Variants in VDAC1 observed in about 807,000 individuals in gnomAD.
The protein encoded by VDAC1 is voltage dependent anion channel 1.
A neutral mutation model predicts 34.7 loss-of-function variants in VDAC1; 10 were observed. The ratio of observed to expected loss-of-function variants is 0.29; its 90% CI spans 0.18 to 0.49. The LOEUF is 0.49. VDAC1 is among the 20% of genes least tolerant of loss of function. The pLI, the probability that VDAC1 is intolerant of heterozygous loss-of-function variation, is 0.99. For synonymous variants in VDAC1, 130 were observed against 136.0 expected, an observed-to-expected ratio of 0.96 and a Z score of 0.30; for missense variants, 230 against 347.9, an observed-to-expected ratio of 0.66 and a Z score of 2.69.
chr5:134,045,846 G>A, the VDAC1 span, among the ~76,000 whole-genome samples: 2 of 151,012 alleles, frequency 1.3e-5, no homozygotes, highest in South Asian at 2.1e-4. Context: ...CACCACGCCT[G>A]GCTAATTTTC....
chr5:134,019,949 A>G, the VDAC1 span, among the ~76,000 whole-genome samples: 6 of 152,254 alleles, frequency 3.9e-5, no homozygotes, highest in South Asian at 2.1e-4. Flanking sequence ...GACATGGGCA[A>G]TGACAGGTAG....
At chr5:134,056,249 A>C in the VDAC1 span, among the ~76,000 whole-genome samples, 10 of 149,864 alleles carry the variant, frequency 6.7e-5, no homozygotes, top group African/African-American at 2.4e-4. Flanking sequence ...CTCAAAAAAA[A>C]AAAAAAAAAA....
chr5:133,981,795 T>C (rs1379263747), intron 5 of VDAC1, among the ~76,000 whole-genome samples: 1 of 152,232 alleles, frequency 6.6e-6, no homozygotes, highest in African/African-American at 2.4e-5. Flanking sequence ...ATCATTTTTA[T>C]CTGATTGTCT....
At chr5:134,025,889 G>T in the VDAC1 span, among the ~76,000 whole-genome samples, 22 of 152,306 alleles carry the variant, frequency 1.4e-4, no homozygotes, top group Admixed American at 9.2e-4. Flanking sequence ...GTGGAACTCA[G>T]GGTCTGGCCC....
chr5:134,056,430 C>G, the VDAC1 span, among the ~76,000 whole-genome samples: 111,652 of 147,922 alleles, frequency 0.75, 42,635 homozygotes, highest in East Asian at 0.89. Flanking sequence ...CAAAGCTGCA[C>G]TGAATTTTTT....
chr5:134,058,420 T>G, the VDAC1 span, among the ~76,000 whole-genome samples: 1 of 149,254 alleles, frequency 6.7e-6, no homozygotes, highest in African/African-American at 2.5e-5. Flanking sequence ...TTCACGCCAT[T>G]CTTCTGCCTC....
upstream of VDAC1, among the ~76,000 whole-genome samples, chr5:134,009,569 T>G (rs1753801321): frequency 6.6e-6 from 1 of 152,120 alleles, no homozygotes; most frequent in Admixed American, 6.6e-5. Flanking sequence ...AATTGATCAA[T>G]TCTTATAAAT....
At chr5:134,015,546 T>C in the VDAC1 span, among the ~76,000 whole-genome samples, 1 of 152,094 alleles carries the variant, frequency 6.6e-6, no homozygotes, top group African/African-American at 2.4e-5. Context: ...CTGGATGAAC[T>C]AAGGCAAATG....
the VDAC1 span, among the ~76,000 whole-genome samples, chr5:134,049,214 A>G: frequency 3.3e-5 from 5 of 152,224 alleles, no homozygotes; most frequent in African/African-American, 1.2e-4. Context: ...ATATTTTCAG[A>G]AACAGCATTT....
chr5:134,008,393 C>A (rs1351821457), upstream of VDAC1, among the ~76,000 whole-genome samples: 1 of 152,182 alleles, frequency 6.6e-6, no homozygotes, highest in Non-Finnish European at 1.5e-5. Flanking sequence ...CAGTTCCTCT[C>A]CTCCATTCAA....
the VDAC1 span, among the ~76,000 whole-genome samples, chr5:134,030,426 C>A: frequency 6.6e-6 from 1 of 152,078 alleles, no homozygotes; most frequent in Non-Finnish European, 1.5e-5. Context: ...GACAGGGAGG[C>A]CCCAGTAATG....
At chr5:133,992,152 C>T (rs1416230143) in intron 3 of VDAC1, among the ~76,000 whole-genome samples, 154 bp downstream of exon 3, 3 of 152,120 alleles carry the variant, frequency 2.0e-5, no homozygotes, top group Non-Finnish European at 4.4e-5. Context: ...AGGAGAATCG[C>T]TTGAACCCAA....
chr5:134,011,320 G>A, the VDAC1 span, among the ~76,000 whole-genome samples: 2 of 151,834 alleles, frequency 1.3e-5, no homozygotes, highest in Non-Finnish European at 2.9e-5. Flanking sequence ...CTTTTTAATG[G>A]GGTTATTTGT....
At chr5:134,051,873 A>G in the VDAC1 span, among the ~76,000 whole-genome samples, 3 of 151,548 alleles carry the variant, frequency 2.0e-5, no homozygotes, top group African/African-American at 7.3e-5. Context: ...TAATTTTTGT[A>G]TCTTTGTAGA....
chr5:133,974,345 CTG>C (rs1362577229), intron 7 of VDAC1, among the ~76,000 whole-genome samples: 6 of 152,194 alleles, frequency 3.9e-5, no homozygotes, highest in East Asian at 3.8e-4. Flanking sequence ...ACTGCAAAAA[CTG>C]TGTAGTAGTT....
At chr5:134,093,668 A>T in the VDAC1 span, among the ~76,000 whole-genome samples, 4 of 152,232 alleles carry the variant, frequency 2.6e-5, no homozygotes, top group Admixed American at 2.6e-4. Flanking sequence ...AGAGAGAAGC[A>T]TTCCAGATCT....
chr5:134,041,456 GC>G, the VDAC1 span, among the ~76,000 whole-genome samples: 1 of 152,218 alleles, frequency 6.6e-6, no homozygotes, highest in Non-Finnish European at 1.5e-5. Context: ...GAGAAGGCCA[GC>G]CCTGATGGCC....
At chr5:133,988,770 C>A (rs578093371) in intron 5 of VDAC1, 1 of 141,486 alleles carries the variant, frequency 7.1e-6, no homozygotes, top group South Asian at 2.3e-4. Flanking sequence ...TCCCCCTCAA[C>A]CCAAAAAAAA....
At chr5:134,073,814 T>C in the VDAC1 span, among the ~76,000 whole-genome samples, 1 of 152,276 alleles carries the variant, frequency 6.6e-6, no homozygotes, top group East Asian at 1.9e-4. Flanking sequence ...CAGACTTGTG[T>C]GTGTGTGTGT....
Sources: gnomAD v4.1 joint callset for allele counts (sites outside exome capture counted in the v4.1 genomes callset) on GRCh38, gnomAD v4.1.1 for gene constraint, MANE v1.5 for transcripts, NCBI Gene and HGNC (gene_info 2026-07-23, HGNC 2026-07-21) for gene names.